The following STAU2 variants were observed in gnomAD, a reference collection of about 807,000 sequenced individuals.
The protein encoded by STAU2 is staufen double-stranded RNA binding protein 2.
Under a neutral mutation model 65.9 loss-of-function variants are expected in STAU2, and 20 were observed. That is an observed-to-expected ratio of 0.30 (90% CI 0.21 to 0.44). The LOEUF is 0.44. STAU2 is among the 20% of genes least tolerant of loss of function. The pLI, the probability that STAU2 is intolerant of heterozygous loss-of-function variation, is 1.00. For synonymous variants in STAU2, 232 were observed against 233.9 expected (o/e 0.99, Z 0.07); for missense variants, 558 against 683.9 (o/e 0.82, Z 2.05).
At position 73,427,141 on chromosome 8, in the gene STAU2, T is replaced by G. The variant is rs570676291; in HGVS notation, c.1531-4439A>C. Reference sequence around the variant, plus strand: ...TGGGGTTTCTCCATGTTGGTCAGGCTGGTCTCGAACTCCCGACCTCAGGTG... The same window carrying G: ...TGGGGTTTCTCCATGTTGGTCAGGCGGGTCTCGAACTCCCGACCTCAGGTG... On this transcript the variant is annotated intron_variant, in intron 13 of 14. Transcript: ENST00000524300. Among the ~76,000 whole-genome samples the G allele has an allele frequency of 1.1e-4, 17 of 152,172 alleles. No homozygotes were observed. In the South Asian group the frequency reaches 3.5e-3, roughly 32 times the overall value.
At chr8:73,727,312 C>T (rs923680933) in intron 3 of STAU2, among the ~76,000 whole-genome samples, 2 of 152,170 alleles carry the variant, frequency 1.3e-5, no homozygotes, top group African/African-American at 4.8e-5. Flanking sequence ...ACCACCTATA[C>T]CTAGTTCCAA....
At chr8:73,601,199 C>T (rs1439990069) in intron 10 of STAU2, among the ~76,000 whole-genome samples, 2 of 152,102 alleles carry the variant, frequency 1.3e-5, no homozygotes, top group African/African-American at 4.8e-5. Flanking sequence ...ACCTAAGAAA[C>T]TAAAAAGTTC....
chr8:73,708,906 T>C, intron 4 of STAU2, 126 bp downstream of exon 4: 1 of 813,386 alleles, frequency 1.2e-6, no homozygotes, highest in Non-Finnish European at 1.7e-6. Context: ...ATTATTAATG[T>C]AGAACTAAAA....
At chr8:73,433,503 CTTT>C (rs34174316) in intron 13 of STAU2, among the ~76,000 whole-genome samples, 13 of 126,646 alleles carry the variant, frequency 1.0e-4, no homozygotes, top group Admixed American at 1.6e-4. Flanking sequence ...CACGCCCCGC[CTTT>C]TTTTTTTTTT....
chr8:73,733,143 A>G (rs746862940), intron 3 of STAU2, among the ~76,000 whole-genome samples: 16 of 150,348 alleles, frequency 1.1e-4, no homozygotes, highest in Non-Finnish European at 1.2e-4. Context: ...CATCTCTTCC[A>G]CTTCAGTTAG....
chr8:73,638,143 G>A (rs16938709), intron 6 of STAU2, among the ~76,000 whole-genome samples: 29,392 of 151,834 alleles, frequency 0.19, 3,098 homozygotes, highest in East Asian at 0.37. Context: ...GGGCAAAATT[G>A]GGTAACTGGA....
intron 3 of STAU2, among the ~76,000 whole-genome samples, chr8:73,734,651 G>A (rs145934157): frequency 1.2e-4 from 18 of 152,096 alleles, no homozygotes; most frequent in African/African-American, 2.2e-4. Context: ...AAAATTAGCC[G>A]GGCGTGGTGG....
chr8:73,574,821 G>T (rs528442977), intron 12 of STAU2, among the ~76,000 whole-genome samples: 5 of 151,860 alleles, frequency 3.3e-5, no homozygotes, highest in African/African-American at 1.2e-4. Context: ...ACGAGTTAAT[G>T]GGTACAGCAC....
At chr8:73,623,776 G>T (rs1020227866) in intron 6 of STAU2, among the ~76,000 whole-genome samples, 1 of 152,096 alleles carries the variant, frequency 6.6e-6, no homozygotes, top group Non-Finnish European at 1.5e-5. Flanking sequence ...AATAGTCCTT[G>T]GCACATTTTC....
chr8:73,701,181 G>A (rs1286790743), intron 4 of STAU2, among the ~76,000 whole-genome samples: 2 of 151,908 alleles, frequency 1.3e-5, no homozygotes, highest in East Asian at 1.9e-4. Context: ...ATTACAAGAC[G>A]ACATTAAGGA....
intron 6 of STAU2, among the ~76,000 whole-genome samples, chr8:73,623,200 T>A (rs981834160): frequency 7.0e-4 from 107 of 152,324 alleles, no homozygotes; most frequent in African/African-American, 2.5e-3. Context: ...CTTGCCAACC[T>A]CCCTAAAGTT....
intron 13 of STAU2, among the ~76,000 whole-genome samples, chr8:73,548,400 C>T (rs1214990629): frequency 6.6e-6 from 1 of 152,038 alleles, no homozygotes; most frequent in Non-Finnish European, 1.5e-5. Context: ...CCCCCACTTC[C>T]ACCAGCCCCA....
intron 13 of STAU2, among the ~76,000 whole-genome samples, chr8:73,539,504 T>C (rs985244381): frequency 6.6e-6 from 1 of 152,156 alleles, no homozygotes; most frequent in Non-Finnish European, 1.5e-5. Context: ...AAAAATTTAC[T>C]GGATTAAGGA....
chr8:73,612,701 C>T (rs929556321), intron 9 of STAU2, among the ~76,000 whole-genome samples: 4 of 152,068 alleles, frequency 2.6e-5, no homozygotes, highest in African/African-American at 9.7e-5. Context: ...AATAAAGGTA[C>T]AAAGGTATAA....
At chr8:73,469,522 T>C (rs1358687584) in intron 13 of STAU2, among the ~76,000 whole-genome samples, 2 of 150,314 alleles carry the variant, frequency 1.3e-5, no homozygotes, top group Non-Finnish European at 3.0e-5. Context: ...GTAGAAGGAC[T>C]GAGTAAGGAG....
intron 1 of STAU2, 50 bp from the exon 2 acceptor site, chr8:73,739,918 G>A: frequency 2.7e-6 from 2 of 750,030 alleles, no homozygotes; most frequent in Non-Finnish European, 4.5e-6. Context: ...TCCAAGATTA[G>A]GTTATAAAAA....
intron 13 of STAU2, among the ~76,000 whole-genome samples, chr8:73,471,434 T>C (rs59865189): frequency 6.6e-6 from 1 of 150,872 alleles, no homozygotes; most frequent in African/African-American, 2.4e-5. Flanking sequence ...GTGATCTGCC[T>C]ACCTAGGCCT....
intron 14 of STAU2, 56 bp from the exon 15 acceptor site, chr8:73,421,521 C>T (rs1816373340): frequency 1.3e-6 from 2 of 1,499,792 alleles, no homozygotes; most frequent in South Asian, 1.2e-5. Flanking sequence ...CATCTTCAGA[C>T]ATGTTTATTA....
intron 6 of STAU2, among the ~76,000 whole-genome samples, chr8:73,663,013 T>A (rs994206278): frequency 6.6e-6 from 1 of 152,194 alleles, no homozygotes; most frequent in Non-Finnish European, 1.5e-5. Flanking sequence ...TGGAATTAAT[T>A]TTGAAAGAAT....
Sources: gnomAD v4.1 joint callset for allele counts (sites outside exome capture counted in the v4.1 genomes callset) on GRCh38, gnomAD v4.1.1 for gene constraint, MANE v1.5 for transcripts, NCBI Gene and HGNC (gene_info 2026-07-23, HGNC 2026-07-21) for gene names.